KLF9: variants seen among roughly 807,000 people sequenced by gnomAD.
The protein encoded by KLF9 is Krueppel-like factor 9.
KLF9 carries 2 observed loss-of-function variants against 17.3 expected under a neutral mutation model. That is an observed-to-expected ratio of 0.12 (90% CI 0.05 to 0.36). The LOEUF is 0.36. Among genes scored for constraint, KLF9 ranks in the 10% least tolerant of loss-of-function variants. The pLI is 1.00. For missense variants in KLF9, 226 were observed against 333.2 expected (o/e 0.68, Z 2.51); for synonymous variants, 138 against 139.2 (o/e 0.99, Z 0.06).
At chr9:70,409,686 A>G (rs4745010) in intron 1 of KLF9, among the ~76,000 whole-genome samples, 24,524 of 152,078 alleles carry the variant, frequency 0.16, 2,388 homozygotes, top group African/African-American at 0.28. Flanking sequence ...ACAAATAAAT[A>G]CATCATAAAG....
At chr9:70,396,939 A>G (rs910202072) in intron 1 of KLF9, among the ~76,000 whole-genome samples, 7 of 151,312 alleles carry the variant, frequency 4.6e-5, no homozygotes, top group Admixed American at 2.0e-4. Context: ...AGCACTTTGG[A>G]AGGCTGAGGA....
At chr9:70,390,976 A>G (rs1413643968) in intron 1 of KLF9, among the ~76,000 whole-genome samples, 1 of 152,180 alleles carries the variant, frequency 6.6e-6, no homozygotes, top group Non-Finnish European at 1.5e-5. Context: ...CAATGAAAGG[A>G]AGAGCTCAGT....
chr9:70,387,570 C>A lies in KLF9; in HGVS notation c.*206G>T. On this transcript the variant is annotated 3_prime_UTR_variant, in exon 2 of 2. Transcript: ENST00000377126. ...CAGAGAGTTGCCTCTTCAAGGGGAC[C>A]GAGTGTTGTTGACTTTGATCTTAGG... 1.7e-6 allele frequency: 1 copy of A among 577,396 alleles called. No homozygotes were observed. The highest frequency in any genetic ancestry group is 3.1e-6 in the Non-Finnish European group (1 of 322,484). 35.8% of individuals were successfully genotyped at this position (577,396 alleles called of 1,614,324 possible). A position where few individuals can be genotyped will look rare whatever the true frequency, so the allele number is the denominator to read the frequency against.
intron 1 of KLF9, among the ~76,000 whole-genome samples, chr9:70,403,494 T>C (rs541532069): frequency 6.6e-6 from 1 of 152,256 alleles, no homozygotes; most frequent in Non-Finnish European, 1.5e-5. Context: ...AGTGGCAGGA[T>C]ATGAGTCTGG....
In KLF9 at chr9:70,387,624, G is replaced by T; in HGVS notation, c.*152C>A. ...CAATGTGCTTTTTAAAAACAATGCA[G>T]GGAGAGGAAAATCAGAATATTGACC... On this transcript the variant is annotated 3_prime_UTR_variant, in exon 2 of 2. Transcript: ENST00000377126. The T allele has an allele frequency of 1.5e-6, 1 of 651,216 alleles. No individual in the cohort carries two copies. Among genetic ancestry groups the T allele is most frequent in the Non-Finnish European group, 2.7e-6 (1 of 373,034 alleles). 40.3% of individuals were successfully genotyped at this position (651,216 alleles called of 1,614,324 possible). A position where few individuals can be genotyped will look rare whatever the true frequency, so the allele number is the denominator to read the frequency against.
In KLF9 at chr9:70,387,513, T is replaced by A; in HGVS notation, c.*263A>T. The A allele has an allele frequency of 4.3e-6, 1 of 231,712 alleles. No homozygotes were observed. Among genetic ancestry groups the A allele is most frequent in the East Asian group, 7.9e-5 (1 of 12,606 alleles). 14.4% of individuals were successfully genotyped at this position (231,712 alleles called of 1,614,324 possible). The stretch of plus-strand genomic sequence containing the variant: ...ACAAAAACCAAAAAACCCAAAAGCA[T>A]TTGCCTTCCCTCCAACAGTCAGAGA... On this transcript the variant is annotated 3_prime_UTR_variant, in exon 2 of 2. Transcript: ENST00000377126.
chr9:70,412,980 A>G lies in KLF9; in HGVS notation c.384T>C (p.His128=), dbSNP rs2118933760. ...GSAPSPLSLL[H]PGVAAKGKHA... ...GTTTCCCCTTCGCAGCCACTCCAGG[A>G]TGGAGGAGGGAGAGCGGGCTGGGCG... is the stretch of plus-strand genomic sequence containing the variant. The change falls in exon 1 of 2, where the codon CAT becomes CAC. Residue 128 remains histidine, a synonymous_variant. Transcript: ENST00000377126. 6.2e-7 allele frequency: 1 copy of G among 1,614,098 alleles called. No homozygotes were observed. Among genetic ancestry groups the G allele is most frequent in the Non-Finnish European group, 8.5e-7 (1 of 1,180,010 alleles).
intron 1 of KLF9, among the ~76,000 whole-genome samples, chr9:70,410,299 G>T (rs1208440764): frequency 6.6e-6 from 1 of 152,190 alleles, no homozygotes; most frequent in African/African-American, 2.4e-5. Flanking sequence ...TATAAACCCT[G>T]TGTTGGCCAA....
At chr9:70,398,581 C>T (rs1199101527) in intron 1 of KLF9, among the ~76,000 whole-genome samples, 5 of 151,786 alleles carry the variant, frequency 3.3e-5, no homozygotes, top group East Asian at 1.9e-4. Flanking sequence ...CTCTGCCTCC[C>T]GGGTTCAAGC....
intron 1 of KLF9, among the ~76,000 whole-genome samples, chr9:70,410,683 C>A: frequency 6.6e-6 from 1 of 152,164 alleles, no homozygotes; most frequent in East Asian, 1.9e-4. Context: ...TTCCAAATGC[C>A]ATCTCTGCCC....
rs1429795754 is a variant in KLF9 at position 70,413,434 on chromosome 9, C to T, written c.-71G>A. 15 of 1,343,856 alleles carry T rather than the reference C, an allele frequency of 1.1e-5. No individual in the cohort carries two copies. The highest frequency in any genetic ancestry group is 1.5e-5 in the African/African-American group (1 of 65,168). The allele number at this position is 1,343,856 out of a possible 1,614,324, so 83.2% of individuals were successfully genotyped here. ...GGCTGCGGAGGTTCGGCTCGCCCTG[C>T]CCTGGCCTCGGACGACGAGCGCGGC... On this transcript the variant is annotated 5_prime_UTR_variant, in exon 1 of 2. Transcript: ENST00000377126. This position sits in a 1 kb window ranked among gnomAD's most constrained non-coding sequence, Gnocchi z 5.6.
Position 70,385,979 on chromosome 9 carries a change from G to A in KLF9, c.*1797C>T, listed in dbSNP as rs1236896946. On this transcript the variant is annotated 3_prime_UTR_variant, in exon 2 of 2. Transcript: ENST00000377126. ...TGTGCTAGTGATGGCTGTTGTATTG[G>A]AAGTTGGAGTCAGCCGTGACCCGCG... is the stretch of plus-strand genomic sequence containing the variant. The A allele has an allele frequency of 6.6e-6, 1 of 152,250 alleles. No individual in the cohort carries two copies. Among genetic ancestry groups the A allele is most frequent in the Non-Finnish European group, 1.5e-5 (1 of 68,040 alleles). 9.4% of individuals were successfully genotyped at this position (152,250 alleles called of 1,614,324 possible). A position where few individuals can be genotyped will look rare whatever the true frequency, so the allele number is the denominator to read the frequency against.
intron 1 of KLF9, among the ~76,000 whole-genome samples, chr9:70,393,439 A>T (rs1236852585): frequency 6.6e-6 from 1 of 151,484 alleles, no homozygotes; most frequent in East Asian, 1.9e-4. Flanking sequence ...GACATAGGCA[A>T]CCCTCCCCAG....
chr9:70,387,968 A>G lies in KLF9; in HGVS notation c.543T>C (p.Leu181=). The change falls in exon 2 of 2, where the codon CTT becomes CTC. Residue 181 remains leucine, a synonymous_variant. Transcript: ENST00000377126. Reference sequence around the variant, plus strand: ...GCTCGTCTGAGCGGGAGAACTTTTTAAGGCAGTCTGGCCACGTGCAGGGAA... The same window carrying G: ...GCTCGTCTGAGCGGGAGAACTTTTTGAGGCAGTCTGGCCACGTGCAGGGAA... ...RPFPCTWPDC[L]KKFSRSDELT... 1 of 1,612,750 alleles carries G rather than the reference A, an allele frequency of 6.2e-7. No homozygotes were observed. The highest frequency in any genetic ancestry group is 8.5e-7 in the Non-Finnish European group (1 of 1,179,920).
In KLF9 at chr9:70,387,739, C is replaced by T; in HGVS notation, c.*37G>A. ...TTTCCTGGGAGTACTTTTCTCCTTT[C>T]GGGGTCCATCCCTCCCTGGCTTCCA... is the stretch of plus-strand genomic sequence containing the variant. On this transcript the variant is annotated 3_prime_UTR_variant, in exon 2 of 2. Coordinates refer to ENST00000377126, the MANE Select transcript of KLF9 (RefSeq NM_001206.4). 2 of 1,586,060 alleles carry T rather than the reference C, an allele frequency of 1.3e-6. No individual in the cohort carries two copies. The highest frequency in any genetic ancestry group is 1.7e-5 in the Admixed American group (1 of 59,886).
chr9:70,407,512 A>C (rs1238637566), intron 1 of KLF9, among the ~76,000 whole-genome samples: 1 of 152,206 alleles, frequency 6.6e-6, no homozygotes, highest in Non-Finnish European at 1.5e-5. Context: ...ATTTGACTCC[A>C]CTTATGTTTT....
chr9:70,406,467 G>A (rs1027148467), intron 1 of KLF9, among the ~76,000 whole-genome samples: 3 of 152,180 alleles, frequency 2.0e-5, no homozygotes, highest in South Asian at 4.1e-4. Flanking sequence ...ACCTCCCAAG[G>A]TCACTTCCAA....
chr9:70,402,616 C>T (rs1378837144), intron 1 of KLF9, among the ~76,000 whole-genome samples: 2 of 152,106 alleles, frequency 1.3e-5, no homozygotes, highest in African/African-American at 2.4e-5. Context: ...TCTAGAACAT[C>T]CACTCAGGAG....
intron 1 of KLF9, among the ~76,000 whole-genome samples, chr9:70,411,176 T>C (rs183698429): frequency 6.6e-6 from 1 of 152,342 alleles, no homozygotes; most frequent in East Asian, 1.9e-4. Context: ...ACCCTATTCC[T>C]GAGTCGGACA....
Sources: allele counts gnomAD v4.1 joint callset (sites outside exome capture counted in the v4.1 genomes callset), GRCh38; gene constraint gnomAD v4.1.1; non-coding constraint Gnocchi (gnomAD v3.1); transcripts MANE v1.5; gene names NCBI Gene and HGNC (gene_info 2026-07-23, HGNC 2026-07-21).